GRHL2: variants seen among roughly 807,000 people sequenced by gnomAD.
GRHL2 encodes the protein grainyhead-like protein 2 homolog.
A neutral mutation model predicts 83.8 loss-of-function variants in GRHL2; 21 were observed. The ratio of observed to expected loss-of-function variants is 0.25; its 90% CI spans 0.18 to 0.36. GRHL2 has a LOEUF of 0.36. Ranked by LOEUF, GRHL2 falls within the 10% of genes least tolerant of loss-of-function variation. The pLI, the probability that GRHL2 is intolerant of heterozygous loss-of-function variation, is 1.00. For missense variants in GRHL2, 623 were observed against 781.8 expected, an observed-to-expected ratio of 0.80 and a Z score of 2.42; for synonymous variants, 280 against 278.9, an observed-to-expected ratio of 1.00 and a Z score of -0.04.
chr8:101,605,374 C>T (rs755873434), intron 8 of GRHL2, among the ~76,000 whole-genome samples: 4 of 152,166 alleles, frequency 2.6e-5, no homozygotes, highest in Non-Finnish European at 5.9e-5. Context: ...AGTCCAGAGC[C>T]CATGCTGTTG....
intron 11 of GRHL2, among the ~76,000 whole-genome samples, chr8:101,634,008 C>A (rs570910010): frequency 1.9e-4 from 29 of 152,188 alleles, no homozygotes; most frequent in Non-Finnish European, 3.7e-4. Flanking sequence ...GACTGTCAGT[C>A]CGCTGACCTC....
intron 12 of GRHL2, among the ~76,000 whole-genome samples, chr8:101,643,472 C>G (rs2129665139): frequency 6.6e-6 from 1 of 151,336 alleles, no homozygotes; most frequent in Non-Finnish European, 1.5e-5. Flanking sequence ...AACATCAGAA[C>G]CAGCCGAGCT....
intron 7 of GRHL2, among the ~76,000 whole-genome samples, chr8:101,579,606 A>G (rs751919756): frequency 3.3e-5 from 5 of 152,180 alleles, no homozygotes; most frequent in Admixed American, 6.5e-5. Context: ...CTCTACCCCA[A>G]TCTCAACCTG....
chr8:101,495,321 A>G (rs537151918), intron 1 of GRHL2, among the ~76,000 whole-genome samples: 1 of 152,352 alleles, frequency 6.6e-6, no homozygotes, highest in African/African-American at 2.4e-5. Flanking sequence ...ACAGGAAGAT[A>G]TTTCTGGTTA....
intron 3 of GRHL2, among the ~76,000 whole-genome samples, chr8:101,554,959 C>A (rs945901288): frequency 1.3e-5 from 2 of 152,118 alleles, no homozygotes; most frequent in African/African-American, 4.8e-5. Context: ...TAGGTTGGTG[C>A]TGAATCTGTT....
chr8:101,508,682 C>T (rs1242871776), intron 1 of GRHL2, among the ~76,000 whole-genome samples: 1 of 152,058 alleles, frequency 6.6e-6, no homozygotes. Context: ...ATTCAAGGTA[C>T]CTAGTCAAGG....
At chr8:101,653,237 T>A (rs572012044) in intron 14 of GRHL2, among the ~76,000 whole-genome samples, 26 of 151,778 alleles carry the variant, frequency 1.7e-4, no homozygotes, top group Non-Finnish European at 3.4e-4. Flanking sequence ...CAAAATAATA[T>A]CATTGTGGGG....
intron 1 of GRHL2, among the ~76,000 whole-genome samples, chr8:101,497,471 G>A (rs1810131574): frequency 1.3e-5 from 2 of 152,216 alleles, no homozygotes; most frequent in South Asian, 2.1e-4. Flanking sequence ...GAAGTAAACT[G>A]ACATACAGGC....
At chr8:101,588,381 G>A (rs1413760598) in intron 7 of GRHL2, among the ~76,000 whole-genome samples, 2 of 152,110 alleles carry the variant, frequency 1.3e-5, no homozygotes, top group Non-Finnish European at 2.9e-5. Flanking sequence ...CAGAATTGAT[G>A]AAAAATAAGT....
intron 12 of GRHL2, among the ~76,000 whole-genome samples, chr8:101,638,346 A>G (rs976666894): frequency 2.6e-5 from 4 of 152,250 alleles, no homozygotes; most frequent in African/African-American, 9.6e-5. Context: ...CAAACTACAA[A>G]TGGTTTTTAC....
At chr8:101,588,606 A>G (rs1349993103) in intron 7 of GRHL2, among the ~76,000 whole-genome samples, 1 of 152,174 alleles carries the variant, frequency 6.6e-6, no homozygotes, top group African/African-American at 2.4e-5. Flanking sequence ...ATGAACATTT[A>G]TCTTACTGTA....
At chr8:101,665,341 A>G (rs912391170) in intron 15 of GRHL2, among the ~76,000 whole-genome samples, 1 of 152,136 alleles carries the variant, frequency 6.6e-6, no homozygotes, top group Non-Finnish European at 1.5e-5. Flanking sequence ...CTTCTGGGGT[A>G]TTTTCCTACA....
At chr8:101,557,377 A>G (rs1049096856) in intron 3 of GRHL2, among the ~76,000 whole-genome samples, 1 of 151,868 alleles carries the variant, frequency 6.6e-6, no homozygotes. Flanking sequence ...GGCGCATGCC[A>G]CTGTGCCTGG....
At chr8:101,661,177 G>A (rs565947903) in intron 14 of GRHL2, among the ~76,000 whole-genome samples, 4 of 152,194 alleles carry the variant, frequency 2.6e-5, no homozygotes, top group African/African-American at 9.6e-5. Flanking sequence ...ATTAGTGTTA[G>A]TGTGTTTTAT....
At chr8:101,631,539 C>T in intron 9 of GRHL2, 98 bp from the exon 10 acceptor site, 2 of 982,498 alleles carry the variant, frequency 2.0e-6, no homozygotes, top group South Asian at 1.4e-5. Flanking sequence ...ACCTCCTCCC[C>T]TGTATTGTTT....
chr8:101,636,045 C>T (rs1479131241), intron 11 of GRHL2, among the ~76,000 whole-genome samples: 2 of 152,160 alleles, frequency 1.3e-5, no homozygotes, highest in Admixed American at 6.6e-5. Context: ...GATACTAACT[C>T]AGGTATTATT....
At chr8:101,531,222 CAAAA>C (rs34027383) in intron 1 of GRHL2, among the ~76,000 whole-genome samples, 41 of 131,884 alleles carry the variant, frequency 3.1e-4, no homozygotes, top group Admixed American at 3.1e-4. Context: ...GACCTTATCT[CAAAA>C]AAAAAAAAAA....
Position 101,644,045 on chromosome 8 carries a change from G to T in GRHL2, c.1518-86G>T, listed in dbSNP as rs919185026. ...GGAGCATAGGGACGGTATAAGCAAA[G>T]GGAAAGACAGAAACGGACACACATG... On this transcript the variant is annotated intron_variant, in intron 12 of 15. Transcript: ENST00000646743. The T allele has an allele frequency of 3.3e-6, 4 of 1,204,022 alleles. No homozygotes were observed. In the African/African-American group the frequency reaches 4.5e-5, roughly 14 times the overall value. 74.6% of individuals were successfully genotyped at this position (1,204,022 alleles called of 1,614,324 possible). A position where few individuals can be genotyped will look rare whatever the true frequency, so the allele number is the denominator to read the frequency against.
chr8:101,535,312 C>T (rs1811022701), intron 1 of GRHL2, among the ~76,000 whole-genome samples: 1 of 152,060 alleles, frequency 6.6e-6, no homozygotes, highest in African/African-American at 2.4e-5. Flanking sequence ...TGTGAATGCA[C>T]TTGGGGATGA....
Sources: allele counts gnomAD v4.1 joint callset (sites outside exome capture counted in the v4.1 genomes callset), GRCh38; gene constraint gnomAD v4.1.1; transcripts MANE v1.5; gene names NCBI Gene and HGNC (gene_info 2026-07-23, HGNC 2026-07-21).